WWOX: variants seen among roughly 807,000 people sequenced by gnomAD.
The protein encoded by WWOX is WW domain containing oxidoreductase.
In WWOX, 69 loss-of-function variants were observed where a neutral mutation model predicts 46.2. That is an observed-to-expected ratio of 1.49 (90% CI 1.23 to 1.82). WWOX has a LOEUF of 1.82. Ranked by LOEUF, WWOX falls within the 40% of genes most tolerant of loss-of-function variation. WWOX has a pLI of 0.00. For missense variants in WWOX, 919 were observed against 542.6 expected (o/e 1.69, Z -6.89); for synonymous variants, 359 against 202.6 (o/e 1.77, Z -6.56).
In WWOX at chr16:78,897,292, C is replaced by G. The variant is rs906074070; in HGVS notation, c.1057-314316C>G. On this transcript the variant is annotated intron_variant, in intron 8 of 8. Coordinates refer to ENST00000566780, the MANE Select transcript of WWOX (RefSeq NM_016373.4). ...CCAAAAAAACAAAAACAAGAACATT[C>G]CCATCACGTCGGTAAGTATCTCATT... is the stretch of plus-strand genomic sequence containing the variant. The G allele has an allele frequency of 3.0e-4, 44 of 144,326 alleles. No homozygotes were observed. The Middle Eastern group carries it at 0.011, about 35-fold the overall frequency. 8.9% of individuals were successfully genotyped at this position (144,326 alleles called of 1,614,324 possible). A position where few individuals can be genotyped will look rare whatever the true frequency, so the allele number is the denominator to read the frequency against.
At chr16:78,389,619 C>G (rs2082136573) in intron 6 of WWOX, among the ~76,000 whole-genome samples, 1 of 152,128 alleles carries the variant, frequency 6.6e-6, no homozygotes, top group Admixed American at 6.5e-5. Context: ...CTCTACTATA[C>G]AGATAAGGAA....
chr16:78,462,657 A>G (rs2083978817), intron 8 of WWOX, among the ~76,000 whole-genome samples: 1 of 152,210 alleles, frequency 6.6e-6, no homozygotes, highest in Non-Finnish European at 1.5e-5. Context: ...TGAACTGCCA[A>G]GTAGGAGTAA....
intron 8 of WWOX, among the ~76,000 whole-genome samples, chr16:78,673,201 G>A (rs183046118): frequency 9.9e-5 from 15 of 152,202 alleles, no homozygotes; most frequent in Non-Finnish European, 1.5e-4. Flanking sequence ...ATCAGTAGAA[G>A]AGTACAATAA....
chr16:78,189,304 A>G lies in WWOX; in HGVS notation c.516+25015A>G, dbSNP rs538416464. 2.5e-4 allele frequency among the ~76,000 whole-genome samples: 38 copies of G among 152,326 alleles called. No homozygotes were observed. In the South Asian group the frequency reaches 7.3e-3, roughly 29 times the overall value. On this transcript the variant is annotated intron_variant, in intron 5 of 8. Coordinates refer to ENST00000566780, the MANE Select transcript of WWOX (RefSeq NM_016373.4). ...TCTCCTAGGAGCCCTTTCCTGCTGT[A>G]GTCCCGCCCCGAGGGGTTTCACTTC...
chr16:78,787,965 G>C (rs767547102), intron 8 of WWOX, among the ~76,000 whole-genome samples: 15 of 152,108 alleles, frequency 9.9e-5, no homozygotes, highest in Admixed American at 9.8e-4. Context: ...GTTGATTCAA[G>C]TCCTTTGCCC....
intron 8 of WWOX, among the ~76,000 whole-genome samples, chr16:79,197,777 T>A (rs546810845): frequency 6.6e-6 from 1 of 152,230 alleles, no homozygotes; most frequent in Non-Finnish European, 1.5e-5. Flanking sequence ...AGGGCAAGGT[T>A]CATCCCACCA....
At chr16:78,416,600 T>A (rs894904548) in intron 6 of WWOX, among the ~76,000 whole-genome samples, 8 of 152,178 alleles carry the variant, frequency 5.3e-5, no homozygotes, top group African/African-American at 1.9e-4. Flanking sequence ...TTGCTGAGGT[T>A]TGCATTTTCT....
chr16:78,178,938 C>A (rs150496582), intron 5 of WWOX, among the ~76,000 whole-genome samples: 19 of 151,590 alleles, frequency 1.3e-4, no homozygotes, highest in Admixed American at 1.1e-3. Context: ...AGTCTGTAAA[C>A]GCGGATAACC....
chr16:78,647,808 G>C (rs985463217), intron 8 of WWOX, among the ~76,000 whole-genome samples: 7 of 152,194 alleles, frequency 4.6e-5, no homozygotes, highest in Non-Finnish European at 1.5e-5. Flanking sequence ...AAACGTGTTA[G>C]CTAAGTCTGG....
At chr16:78,831,701 A>C (rs1432093765) in intron 8 of WWOX, among the ~76,000 whole-genome samples, 6 of 152,202 alleles carry the variant, frequency 3.9e-5, no homozygotes. Context: ...AATTTATGTA[A>C]AGCACAAAGC....
intron 8 of WWOX, among the ~76,000 whole-genome samples, chr16:79,083,997 G>A (rs1224409583): frequency 1.3e-5 from 2 of 152,282 alleles, no homozygotes; most frequent in African/African-American, 2.4e-5. Context: ...AGTTTCTGTG[G>A]GGGCTGTTTT....
At chr16:78,253,752 C>T (rs1235093069) in intron 5 of WWOX, among the ~76,000 whole-genome samples, 1 of 152,162 alleles carries the variant, frequency 6.6e-6, no homozygotes, top group Non-Finnish European at 1.5e-5. Context: ...GCAGCATAAA[C>T]AACATGACTT....
At chr16:78,776,492 C>T (rs1393596268) in intron 8 of WWOX, among the ~76,000 whole-genome samples, 1 of 152,050 alleles carries the variant, frequency 6.6e-6, no homozygotes, top group African/African-American at 2.4e-5. Flanking sequence ...ACATAAATAG[C>T]ACCTGGAAAA....
At chr16:78,675,968 A>C (rs1182496618) in intron 8 of WWOX, among the ~76,000 whole-genome samples, 2 of 152,160 alleles carry the variant, frequency 1.3e-5, no homozygotes, top group East Asian at 3.9e-4. Flanking sequence ...CAAACCATTT[A>C]AATCAATCCA....
chr16:78,419,529 ATAGTCTTTTCAACAGTGATGC>A (rs2082874054), intron 6 of WWOX, among the ~76,000 whole-genome samples: 1 of 151,416 alleles, frequency 6.6e-6, no homozygotes, highest in Admixed American at 6.6e-5. Context: ...ACAATTCAAA[ATAGTCTTTTCAACAGTGATGC>A]TAGAACCACT....
chr16:78,894,238 T>G (rs2044653384), intron 8 of WWOX, among the ~76,000 whole-genome samples: 1 of 151,994 alleles, frequency 6.6e-6, no homozygotes, highest in Admixed American at 6.6e-5. Flanking sequence ...TTAGCCTTGA[T>G]CGTTTAGTTT....
chr16:79,002,140 C>T (rs7189595), intron 8 of WWOX, among the ~76,000 whole-genome samples: 150,545 of 151,398 alleles, frequency 0.99, 74,851 homozygotes, highest in East Asian at 1. Flanking sequence ...AGTTTTAATG[C>T]AAGTGTATCG....
intron 8 of WWOX, among the ~76,000 whole-genome samples, chr16:78,593,625 G>C (rs528901468): frequency 6.6e-6 from 1 of 152,128 alleles, no homozygotes; most frequent in Non-Finnish European, 1.5e-5. Flanking sequence ...GTTGACAGGG[G>C]GAGGTATTTG....
At chr16:79,007,318 C>G (rs918842519) in intron 8 of WWOX, among the ~76,000 whole-genome samples, 5 of 152,138 alleles carry the variant, frequency 3.3e-5, no homozygotes, top group African/African-American at 4.8e-5. Flanking sequence ...CTGAGAAACT[C>G]TAAAACATGA....
Sources: gnomAD v4.1 joint callset for allele counts (sites outside exome capture counted in the v4.1 genomes callset) on GRCh38, gnomAD v4.1.1 for gene constraint, MANE v1.5 for transcripts, NCBI Gene and HGNC (gene_info 2026-07-23, HGNC 2026-07-21) for gene names.